The following FBXO33 variants were observed in gnomAD, a reference collection of about 807,000 sequenced individuals.
The protein encoded by FBXO33 is F-box only protein 33.
A neutral mutation model predicts 46.3 loss-of-function variants in FBXO33; 22 were observed. The observed-to-expected ratio is 0.48, with a 90% CI of 0.34 to 0.68. FBXO33 has a LOEUF of 0.68. Among genes scored for constraint, FBXO33 ranks in the 30% least tolerant of loss-of-function variants. FBXO33 has a pLI of 0.01. For missense variants in FBXO33, 692 were observed against 708.8 expected, an observed-to-expected ratio of 0.98 and a Z score of 0.27; for synonymous variants, 337 against 291.3, an observed-to-expected ratio of 1.16 and a Z score of -1.60.
At chr14:39,412,790 AAAGT>A (rs1182445223) in intron 1 of FBXO33, among the ~76,000 whole-genome samples, 1 of 152,264 alleles carries the variant, frequency 6.6e-6, no homozygotes, top group East Asian at 1.9e-4. Context: ...AGTTAACATA[AAAGT>A]AATGTTTACA....
intron 1 of FBXO33, among the ~76,000 whole-genome samples, chr14:39,421,617 C>T (rs2075484378): frequency 6.6e-6 from 1 of 152,104 alleles, no homozygotes; most frequent in Non-Finnish European, 1.5e-5. Context: ...AGGAAGACCA[C>T]AAAGTTTCTG....
At chr14:39,414,960 A>C (rs2075440602) in intron 1 of FBXO33, among the ~76,000 whole-genome samples, 2 of 152,144 alleles carry the variant, frequency 1.3e-5, no homozygotes, top group Admixed American at 6.5e-5. Flanking sequence ...CAATATTATT[A>C]TCTCTTAGGG....
At chr14:39,413,865 C>T (rs1404624049) in intron 1 of FBXO33, among the ~76,000 whole-genome samples, 2 of 152,204 alleles carry the variant, frequency 1.3e-5, no homozygotes, top group African/African-American at 4.8e-5. Flanking sequence ...GATGTGCTAT[C>T]ATCCACGCTA....
At position 39,431,992 on chromosome 14, in the gene FBXO33, G is replaced by T; in HGVS notation, c.171C>A (p.Gly57=). Residue 57 remains glycine, a synonymous_variant, in exon 1 of 4, where the codon GGC becomes GGA. Coordinates refer to ENST00000298097, the MANE Select transcript of FBXO33 (RefSeq NM_203301.4). ...GRPGAGSRRR[G]RMALCGQAAG... is the part of the protein sequence containing the mutation. ...CCGCCTGCCCGCACAGAGCCATCCGGCCCCGCCGCCGGCTGCCGGCTCCCG... is the reference window on the plus strand; with the variant it reads ...CCGCCTGCCCGCACAGAGCCATCCGTCCCCGCCGCCGGCTGCCGGCTCCCG... The T allele has an allele frequency of 4.2e-6, 6 of 1,437,054 alleles. No individual in the cohort carries two copies. In the Admixed American group the frequency reaches 1.6e-4, roughly 39 times the overall value. 89.0% of individuals were successfully genotyped at this position (1,437,054 alleles called of 1,614,324 possible). A position where few individuals can be genotyped will look rare whatever the true frequency, so the allele number is the denominator to read the frequency against.
chr14:39,410,023 T>C (rs544472191), intron 1 of FBXO33, among the ~76,000 whole-genome samples: 46 of 152,288 alleles, frequency 3.0e-4, no homozygotes, highest in African/African-American at 1.1e-3. Context: ...ATGCTTTTAT[T>C]TTTCTTCCCT....
rs961028720 is a variant in FBXO33 at position 39,432,342 on chromosome 14, G to A, written c.-180C>T. 1 of 389,728 alleles carries A rather than the reference G, an allele frequency of 2.6e-6. No individual in the cohort carries two copies. Among genetic ancestry groups the A allele is most frequent in the Non-Finnish European group, 4.2e-6 (1 of 240,676 alleles). 24.1% of individuals were successfully genotyped at this position (389,728 alleles called of 1,614,324 possible). On this transcript the variant is annotated 5_prime_UTR_variant, in exon 1 of 4. Coordinates refer to ENST00000298097, the MANE Select transcript of FBXO33 (RefSeq NM_203301.4). ...CACACTGAGTAACTGCACTGCCCTC[G>A]CTCGTAAACTTCAGCGGCCCGGAAG...
chr14:39,417,713 T>A (rs775543266), intron 1 of FBXO33, among the ~76,000 whole-genome samples: 31 of 152,096 alleles, frequency 2.0e-4, no homozygotes, highest in Non-Finnish European at 3.5e-4. Flanking sequence ...GTACTTTTAG[T>A]AGGGATGGGG....
chr14:39,431,923 G>C lies in FBXO33; in HGVS notation c.240C>G (p.Phe80Leu). The change falls in exon 1 of 4, where the codon TTC becomes TTG. Residue 80 changes from phenylalanine to leucine, a missense_variant. By Grantham distance (22) the Phe-to-Leu change is conservative (BLOSUM62 0). This residue lies in a region of FBXO33 where 412 missense variants were observed against 370.8 expected (regional missense o/e 1.11). Transcript: ENST00000298097. ...SLPSELIVHI[F>L]SFLPAPDRLR... ...GCCGGTCGGGCGCCGGCAGAAAAGA[G>C]AAGATGTGCACGATCAGCTCGCTGG... The C allele has an allele frequency of 6.5e-7, 1 of 1,538,034 alleles. No homozygotes were observed. The highest frequency in any genetic ancestry group is 8.7e-7 in the Non-Finnish European group (1 of 1,148,264).
At chr14:39,413,767 G>T (rs10143351) in intron 1 of FBXO33, among the ~76,000 whole-genome samples, 9 of 151,996 alleles carry the variant, frequency 5.9e-5, no homozygotes, top group Non-Finnish European at 1.3e-4. Context: ...GTACATTGTC[G>T]ATGAGATGTA....
intron 1 of FBXO33, among the ~76,000 whole-genome samples, chr14:39,412,054 T>C (rs1467835038): frequency 1.3e-5 from 2 of 152,224 alleles, no homozygotes. Flanking sequence ...TGGAATGTTC[T>C]GTATATGTCT....
At chr14:39,400,222 C>CG (rs1188972326) in intron 3 of FBXO33, among the ~76,000 whole-genome samples, 1 of 152,038 alleles carries the variant, frequency 6.6e-6, no homozygotes, top group Non-Finnish European at 1.5e-5. Flanking sequence ...TAATGCTTTG[C>CG]GAAGTTATGT....
At chr14:39,414,504 G>C (rs1479449380) in intron 1 of FBXO33, among the ~76,000 whole-genome samples, 1 of 152,152 alleles carries the variant, frequency 6.6e-6, no homozygotes, top group Non-Finnish European at 1.5e-5. Flanking sequence ...TTGCCTGTTT[G>C]GTACAAGAGG....
At chr14:39,426,434 A>C (rs1318028185) in intron 1 of FBXO33, among the ~76,000 whole-genome samples, 1 of 152,192 alleles carries the variant, frequency 6.6e-6, no homozygotes. Flanking sequence ...TTGGTCCCTA[A>C]GTCGCTCATA....
intron 1 of FBXO33, among the ~76,000 whole-genome samples, chr14:39,409,860 T>C (rs954983591): frequency 1.3e-5 from 2 of 152,236 alleles, no homozygotes; most frequent in African/African-American, 4.8e-5. Context: ...CCGTTGAATA[T>C]ATAGAACTGC....
intron 1 of FBXO33, among the ~76,000 whole-genome samples, chr14:39,412,768 TTTTG>T (rs2075429714): frequency 6.6e-6 from 1 of 152,268 alleles, no homozygotes; most frequent in African/African-American, 2.4e-5. Flanking sequence ...TCACACAATT[TTTTG>T]TTTTTCAAGT....
At chr14:39,419,715 C>T (rs766526909) in intron 1 of FBXO33, among the ~76,000 whole-genome samples, 6 of 152,194 alleles carry the variant, frequency 3.9e-5, no homozygotes, top group Admixed American at 1.3e-4. Context: ...GGTTATTTCC[C>T]GCAGAATGTC....
chr14:39,405,538 T>C (rs1432103570), intron 1 of FBXO33, among the ~76,000 whole-genome samples: 2 of 152,114 alleles, frequency 1.3e-5, no homozygotes, highest in Non-Finnish European at 2.9e-5. Flanking sequence ...CAATGAGCAC[T>C]ATTTTGCACA....
chr14:39,404,336 T>TA (rs2075382479), intron 1 of FBXO33, among the ~76,000 whole-genome samples: 2 of 152,194 alleles, frequency 1.3e-5, no homozygotes, highest in Non-Finnish European at 2.9e-5. Flanking sequence ...TCTTTTTTTT[T>TA]GTTTGTTTGA....
chr14:39,430,770 G>C (rs1201457398), intron 1 of FBXO33, among the ~76,000 whole-genome samples: 1 of 152,178 alleles, frequency 6.6e-6, no homozygotes, highest in Non-Finnish European at 1.5e-5. Context: ...TGGCGATGGA[G>C]AAAAATGATG....
Sources: gnomAD v4.1 joint callset for allele counts (sites outside exome capture counted in the v4.1 genomes callset) on GRCh38, gnomAD v4.1.1 for gene constraint, gnomAD v4.1.1 regional missense constraint, MANE v1.5 for transcripts, NCBI Gene and HGNC (gene_info 2026-07-23, HGNC 2026-07-21) for gene names.